Variants in ETV6 observed in about 807,000 individuals in gnomAD.
The protein encoded by ETV6 is transcription factor ETV6.
ETV6 carries 16 observed loss-of-function variants against 51.1 expected under a neutral mutation model. That is an observed-to-expected ratio of 0.31 (90% confidence interval 0.21 to 0.48). The LOEUF (loss-of-function observed/expected upper bound fraction) is 0.48. Among genes scored for constraint, ETV6 ranks in the 20% least tolerant of loss-of-function variants. The pLI is 0.99. For missense variants in ETV6, 458 were observed against 594.8 expected (o/e 0.77, Z 2.39); for synonymous variants, 240 against 224.1 (o/e 1.07, Z -0.64).
intron 3 of ETV6, among the ~76,000 whole-genome samples, chr12:11,845,827 C>T (rs1946452297): frequency 6.6e-6 from 1 of 151,866 alleles, no homozygotes; most frequent in Non-Finnish European, 1.5e-5. Flanking sequence ...CTCATCTCTA[C>T]CAAAAATGCA....
intron 1 of ETV6, among the ~76,000 whole-genome samples, chr12:11,721,808 A>G (rs73065067): frequency 1.3e-5 from 2 of 152,346 alleles, no homozygotes; most frequent in Non-Finnish European, 2.9e-5. Flanking sequence ...TGCCTAATGA[A>G]CATTAGTTTC....
At chr12:11,682,056 A>G (rs1016503479) in intron 1 of ETV6, among the ~76,000 whole-genome samples, 3 of 152,212 alleles carry the variant, frequency 2.0e-5, no homozygotes, top group African/African-American at 7.2e-5. Flanking sequence ...TTATAGTAGA[A>G]TGATTTATTA....
chr12:11,834,998 A>G (rs1220282793), intron 2 of ETV6, among the ~76,000 whole-genome samples: 1 of 152,210 alleles, frequency 6.6e-6, no homozygotes, highest in Non-Finnish European at 1.5e-5. Flanking sequence ...GTTTGTCATC[A>G]TTAGTTTAAG....
At chr12:11,657,505 TG>T (rs1171468479) in intron 1 of ETV6, among the ~76,000 whole-genome samples, 3 of 152,176 alleles carry the variant, frequency 2.0e-5, no homozygotes, top group Non-Finnish European at 2.9e-5. Context: ...CTAACAAAAA[TG>T]GTTGGCATAA....
At chr12:11,878,932 T>C (rs2136572726) in intron 5 of ETV6, among the ~76,000 whole-genome samples, 1 of 151,796 alleles carries the variant, frequency 6.6e-6, no homozygotes, top group East Asian at 1.9e-4. Flanking sequence ...AAATAATAAT[T>C]TGTGGGGTTG....
At chr12:11,757,335 T>C (rs1415720327) in intron 2 of ETV6, among the ~76,000 whole-genome samples, 1 of 152,186 alleles carries the variant, frequency 6.6e-6, no homozygotes, top group Non-Finnish European at 1.5e-5. Context: ...CACAGCTATA[T>C]TAGAACCAGC....
chr12:11,781,128 T>C (rs949492522), intron 2 of ETV6, among the ~76,000 whole-genome samples: 7 of 152,248 alleles, frequency 4.6e-5, no homozygotes, highest in African/African-American at 1.7e-4. Flanking sequence ...ATATGTACAA[T>C]GTCCAACTCT....
chr12:11,674,060 C>T (rs1388036905), intron 1 of ETV6, among the ~76,000 whole-genome samples: 2 of 152,176 alleles, frequency 1.3e-5, no homozygotes, highest in Non-Finnish European at 2.9e-5. Flanking sequence ...AATCGTAATG[C>T]ATATTTGACA....
intron 2 of ETV6, among the ~76,000 whole-genome samples, chr12:11,754,758 C>G (rs1944983889): frequency 6.6e-6 from 1 of 152,222 alleles, no homozygotes; most frequent in Non-Finnish European, 1.5e-5. Flanking sequence ...GTCTGTGCTG[C>G]TTACCAGCAT....
chr12:11,730,739 T>C (rs764801942), intron 1 of ETV6, among the ~76,000 whole-genome samples: 7 of 152,090 alleles, frequency 4.6e-5, no homozygotes, highest in Non-Finnish European at 8.8e-5. Context: ...TGCTTTGGAG[T>C]GTACAACAAT....
chr12:11,778,221 C>A (rs4763725), intron 2 of ETV6, among the ~76,000 whole-genome samples: 27,730 of 152,174 alleles, frequency 0.18, 2,979 homozygotes, highest in South Asian at 0.46. Context: ...AGAGTTACTG[C>A]TTATGAAGGG....
chr12:11,740,174 A>AAATCTCC (rs1470447829), intron 1 of ETV6, among the ~76,000 whole-genome samples: 1 of 152,220 alleles, frequency 6.6e-6, no homozygotes, highest in African/African-American at 2.4e-5. Context: ...CGCCAGGCAG[A>AAATCTCC]AATCTCCGTA....
intron 1 of ETV6, among the ~76,000 whole-genome samples, chr12:11,662,031 A>G (rs987869763): frequency 6.6e-6 from 1 of 152,296 alleles, no homozygotes; most frequent in South Asian, 2.1e-4. Context: ...GGCAATGAGC[A>G]AAAGGACCTC....
chr12:11,884,426 T>C lies in ETV6; in HGVS notation c.1010-19T>C, dbSNP rs913651364. The C allele has an allele frequency of 3.7e-6, 6 of 1,613,820 alleles. No homozygotes were observed. The highest frequency in any genetic ancestry group is 3.4e-6 in the Non-Finnish European group (4 of 1,179,858). On this transcript the variant is annotated intron_variant, in intron 5 of 7. Coordinates refer to ENST00000396373, the MANE Select transcript of ETV6 (RefSeq NM_001987.5). ...AAGAAACATTTTCAACAGTGTTTTC[T>C]TGCCCTTTTCCTCTGTAGACTGTAG...
chr12:11,656,678 G>C (rs5022566), intron 1 of ETV6, among the ~76,000 whole-genome samples: 4,103 of 152,150 alleles, frequency 0.027, 95 homozygotes, highest in East Asian at 0.12. Context: ...TCTTTTCCTT[G>C]TGTTTTTCTT....
intron 4 of ETV6, among the ~76,000 whole-genome samples, chr12:11,855,429 G>A (rs1946618324): frequency 1.3e-5 from 2 of 152,174 alleles, no homozygotes; most frequent in South Asian, 2.1e-4. Context: ...GCTCGGATTG[G>A]TCAGACCACA....
chr12:11,698,640 A>G (rs1051348013), intron 1 of ETV6, among the ~76,000 whole-genome samples: 6 of 152,188 alleles, frequency 3.9e-5, no homozygotes, highest in East Asian at 1.9e-4. Flanking sequence ...CCTGTAGCTC[A>G]TATTTCTTTA....
chr12:11,652,166 G>A (rs1277137285), intron 1 of ETV6, among the ~76,000 whole-genome samples: 1 of 152,160 alleles, frequency 6.6e-6, no homozygotes, highest in Non-Finnish European at 1.5e-5. Context: ...TAGATTTAAT[G>A]TTCTTTACCA....
intron 1 of ETV6, among the ~76,000 whole-genome samples, chr12:11,727,608 G>C (rs950979294): frequency 1.3e-5 from 2 of 152,126 alleles, no homozygotes; most frequent in Non-Finnish European, 2.9e-5. Flanking sequence ...TAGTTAAGAG[G>C]CTTGATTAAA....
Sources: gnomAD v4.1 joint callset for allele counts (sites outside exome capture counted in the v4.1 genomes callset) on GRCh38, gnomAD v4.1.1 for gene constraint, MANE v1.5 for transcripts, NCBI Gene and HGNC (gene_info 2026-07-23, HGNC 2026-07-21) for gene names.